The following XPR1 variants were observed in gnomAD, a reference collection of about 807,000 sequenced individuals.
XPR1 encodes xenotropic and polytropic retrovirus receptor 1, also known as solute carrier family 53 member 1.
Under a neutral mutation model 87.5 loss-of-function variants are expected in XPR1, and 28 were observed. The observed-to-expected ratio is 0.32, with a 90% confidence interval of 0.24 to 0.44. XPR1 has a LOEUF of 0.44. Ranked by LOEUF, XPR1 falls within the 20% of genes least tolerant of loss-of-function variation. The pLI is 1.00. For synonymous variants in XPR1, 300 were observed against 306.1 expected (o/e 0.98, Z 0.21); for missense variants, 559 against 862.3 (o/e 0.65, Z 4.41).
At chr1:180,798,936 A>G (rs1438983104) in intron 3 of XPR1, among the ~76,000 whole-genome samples, 1 of 152,034 alleles carries the variant, frequency 6.6e-6, no homozygotes, top group Non-Finnish European at 1.5e-5. Context: ...CCATTAACAT[A>G]TATTATTGGT....
rs370235270 is a variant in XPR1, at chr1:180,816,192, A to T, written c.763+4704A>T. The stretch of plus-strand genomic sequence containing the variant: ...TTTTCACTGGGCTGGCGGGTAGGAG[A>T]GGGGATGGTTTCAAGGTGAAACCCT... On this transcript the variant is annotated intron_variant, in intron 7 of 14. Transcript: ENST00000367590. Among the ~76,000 whole-genome samples the T allele has an allele frequency of 9.7e-4, 147 of 152,268 alleles. 2 individuals are homozygous for T. The South Asian group carries it at 0.03, about 31-fold the overall frequency.
At chr1:180,860,980 CT>C (rs1652201322) in intron 11 of XPR1, among the ~76,000 whole-genome samples, 1 of 152,046 alleles carries the variant, frequency 6.6e-6, no homozygotes, top group Admixed American at 6.6e-5. Flanking sequence ...AACATTTTTA[CT>C]CCTCTTCACA....
At chr1:180,649,831 T>A (rs1313153262) in intron 1 of XPR1, among the ~76,000 whole-genome samples, 1 of 152,134 alleles carries the variant, frequency 6.6e-6, no homozygotes, top group Non-Finnish European at 1.5e-5. Flanking sequence ...AGGATGGAGG[T>A]GGTAGAGGTG....
At chr1:180,739,285 T>C (rs2102020545) in intron 2 of XPR1, among the ~76,000 whole-genome samples, 1 of 152,360 alleles carries the variant, frequency 6.6e-6, no homozygotes, top group Non-Finnish European at 1.5e-5. Flanking sequence ...GTCTTAATTA[T>C]GTCTTAAAAT....
chr1:180,657,207 A>T (rs773288539), intron 1 of XPR1, among the ~76,000 whole-genome samples: 1 of 151,534 alleles, frequency 6.6e-6, no homozygotes, highest in African/African-American at 2.4e-5. Flanking sequence ...TTTCCTATAG[A>T]GTTATTATAG....
intron 1 of XPR1, among the ~76,000 whole-genome samples, chr1:180,681,240 T>A (rs1353339921): frequency 3.9e-5 from 6 of 152,206 alleles, no homozygotes; most frequent in Admixed American, 3.9e-4. Context: ...AAATTATAGA[T>A]GTTTTAGATG....
chr1:180,829,679 T>A (rs146035853), intron 9 of XPR1, among the ~76,000 whole-genome samples: 118 of 152,360 alleles, frequency 7.7e-4, no homozygotes, highest in African/African-American at 2.4e-3. Context: ...TGACATTTAA[T>A]AAATACTTGA....
intron 3 of XPR1, among the ~76,000 whole-genome samples, chr1:180,792,496 G>A (rs1649424793): frequency 6.6e-6 from 1 of 152,138 alleles, no homozygotes; most frequent in Non-Finnish European, 1.5e-5. Context: ...GGTTCCACAT[G>A]TTAGGATCAG....
At chr1:180,685,822 T>A (rs1256207179) in intron 2 of XPR1, among the ~76,000 whole-genome samples, 2 of 152,210 alleles carry the variant, frequency 1.3e-5, no homozygotes, top group Non-Finnish European at 2.9e-5. Context: ...TTCTGTGGGA[T>A]CGGTGGTGAT....
rs367769949 is a variant in XPR1, at chr1:180,672,501, T to G, written c.70-9859T>G. ...ATAGAAATGAAGATTATTTAGTATGTTGATTCTTTGTATAGTACACATGAG... is the reference window on the plus strand; with the variant it reads ...ATAGAAATGAAGATTATTTAGTATGGTGATTCTTTGTATAGTACACATGAG... On this transcript the variant is annotated intron_variant, in intron 1 of 14. Transcript: ENST00000367590. 8.5e-5 allele frequency among the ~76,000 whole-genome samples: 13 copies of G among 152,332 alleles called. No homozygotes were observed. In the East Asian group the frequency reaches 1.5e-3, roughly 18 times the overall value.
At chr1:180,839,643 A>G (rs1037446583) in intron 11 of XPR1, among the ~76,000 whole-genome samples, 1 of 152,178 alleles carries the variant, frequency 6.6e-6, no homozygotes, top group African/African-American at 2.4e-5. Context: ...ATAGATTAAT[A>G]AAAGAAACGG....
intron 11 of XPR1, among the ~76,000 whole-genome samples, chr1:180,853,789 TG>T (rs199512781): frequency 5.8e-5 from 6 of 103,402 alleles, no homozygotes; most frequent in African/African-American, 2.0e-4. Context: ...TGCATTCATG[TG>T]GTTTTTTTTT....
intron 1 of XPR1, among the ~76,000 whole-genome samples, chr1:180,666,340 C>T (rs79407279): frequency 0.024 from 3,663 of 152,176 alleles, 152 homozygotes; most frequent in African/African-American, 0.082. Context: ...TTTAGGATTT[C>T]GATAGGTACT....
intron 2 of XPR1, among the ~76,000 whole-genome samples, chr1:180,780,699 C>T (rs1170741765): frequency 1.3e-5 from 2 of 148,772 alleles, no homozygotes; most frequent in African/African-American, 2.5e-5. Flanking sequence ...ACCTGGGAGG[C>T]GGAGCTTGCA....
At chr1:180,671,865 G>A (rs1039083566) in intron 1 of XPR1, among the ~76,000 whole-genome samples, 6 of 152,124 alleles carry the variant, frequency 3.9e-5, no homozygotes, top group Admixed American at 3.3e-4. Context: ...TGGGATTACA[G>A]GTGTGAGCCA....
chr1:180,845,819 G>A (rs1451915759), intron 11 of XPR1, among the ~76,000 whole-genome samples: 2 of 152,178 alleles, frequency 1.3e-5, no homozygotes, highest in Admixed American at 6.5e-5. Flanking sequence ...GCCAAAATAC[G>A]AAAATAATTT....
intron 1 of XPR1, 28 bp from the exon 2 acceptor site, chr1:180,682,332 A>G (rs377395741): frequency 2.6e-6 from 4 of 1,555,740 alleles, no homozygotes; most frequent in South Asian, 1.2e-5. Flanking sequence ...TCATGATTTC[A>G]TATATTGTTT....
chr1:180,690,696 A>G (rs16856374), intron 2 of XPR1, among the ~76,000 whole-genome samples: 5,118 of 151,556 alleles, frequency 0.034, 128 homozygotes, highest in African/African-American at 0.07. Flanking sequence ...ATCTTGTTTT[A>G]AAAATTGATT....
intron 2 of XPR1, among the ~76,000 whole-genome samples, chr1:180,688,851 A>C (rs1656878548): frequency 6.6e-6 from 1 of 152,022 alleles, no homozygotes. Flanking sequence ...TCACATCCTT[A>C]CATCTTTATT....
Sources: allele counts gnomAD v4.1 joint callset (sites outside exome capture counted in the v4.1 genomes callset), GRCh38; gene constraint gnomAD v4.1.1; transcripts MANE v1.5; gene names NCBI Gene and HGNC (gene_info 2026-07-23, HGNC 2026-07-21).